The following PRPH2 variants were observed in gnomAD, a reference collection of about 807,000 sequenced individuals.
The protein encoded by PRPH2 is peripherin 2.
Under a neutral mutation model 31.3 loss-of-function variants are expected in PRPH2, and 17 were observed. The ratio of observed to expected loss-of-function variants is 0.54; its 90% CI spans 0.37 to 0.81. The LOEUF is 0.81. Among genes scored for constraint, PRPH2 ranks in the 40% least tolerant of loss-of-function variants. The pLI, the probability that PRPH2 is intolerant of heterozygous loss-of-function variation, is 0.00. For synonymous variants in PRPH2, 165 were observed against 184.4 expected, an observed-to-expected ratio of 0.89 and a Z score of 0.85; for missense variants, 430 against 439.7, an observed-to-expected ratio of 0.98 and a Z score of 0.20.
At chr6:42,706,294 A>G (rs1447222101) in intron 1 of PRPH2, among the ~76,000 whole-genome samples, 1 of 151,794 alleles carries the variant, frequency 6.6e-6, no homozygotes, top group Non-Finnish European at 1.5e-5. Context: ...AGTCCCAGAT[A>G]CTCGGGAGGC....
At chr6:42,704,229 G>A (rs1582764324) in intron 2 of PRPH2, 136 bp downstream of exon 2, 1 of 1,168,344 alleles carries the variant, frequency 8.6e-7, no homozygotes, top group East Asian at 2.6e-5. Flanking sequence ...AGCCCAGACT[G>A]ATCTGACCCA....
chr6:42,705,100 G>A (rs1800129786), intron 1 of PRPH2, among the ~76,000 whole-genome samples: 1 of 152,142 alleles, frequency 6.6e-6, no homozygotes, highest in Non-Finnish European at 1.5e-5. Context: ...GCAGAGGCAG[G>A]GGATGGAGAC....
At chr6:42,712,888 A>T (rs1045510566) in intron 1 of PRPH2, among the ~76,000 whole-genome samples, 4 of 152,082 alleles carry the variant, frequency 2.6e-5, no homozygotes, top group African/African-American at 9.7e-5. Context: ...TTTTTCTATA[A>T]TAGAAGTCGG....
At chr6:42,707,950 C>A (rs957426569) in intron 1 of PRPH2, among the ~76,000 whole-genome samples, 1 of 152,202 alleles carries the variant, frequency 6.6e-6, no homozygotes, top group Non-Finnish European at 1.5e-5. Flanking sequence ...AGTTCCTTAA[C>A]CTCTCCCTGC....
At position 42,698,150 on chromosome 6, in the gene PRPH2, C is replaced by T. The variant is rs835; in HGVS notation, c.*145G>A. 0.27 allele frequency: 315,240 copies of T among 1,160,762 alleles called. 44,651 individuals carry two copies. Among genetic ancestry groups the T allele is most frequent in the East Asian group, 0.43 (18,218 of 42,438 alleles). The allele number at this position is 1,160,762 out of a possible 1,614,324, so 71.9% of individuals were successfully genotyped here. On this transcript the variant is annotated 3_prime_UTR_variant, in exon 3 of 3. Coordinates refer to ENST00000230381, the MANE Select transcript of PRPH2 (RefSeq NM_000322.5). ...GTCAAATGCTTTTAGGGACCCTAAA[C>T]TTAAATTCCACCGTCAGGGAGAGTC...
Position 42,698,347 on chromosome 6 carries a change from T to C in PRPH2, c.989A>G (p.Asn330Ser), listed in dbSNP as rs781604214. Residue 330 changes from asparagine to serine, a missense_variant, in exon 3 of 3, where the codon AAC (asparagine) becomes AGC (serine). By Grantham distance (46) the Asn-to-Ser change is conservative (BLOSUM62 1). Coordinates refer to ENST00000230381, the MANE Select transcript of PRPH2 (RefSeq NM_000322.5). ...GTCTGCGCCCTCGGCTTCCACCTGG[T>C]TGCCCTTGCCCAGCTTCTTCACACT... The part of the protein sequence containing the change: ...LESVKKLGKG[N>S]QVEAEGADAG... The C allele has an allele frequency of 8.1e-6, 13 of 1,613,770 alleles. No homozygotes were observed. Among genetic ancestry groups the C allele is most frequent in the Non-Finnish European group, 1.1e-5 (13 of 1,179,824 alleles).
intron 1 of PRPH2, among the ~76,000 whole-genome samples, chr6:42,716,962 C>CTTTTTTT (rs1161769235): frequency 2.4e-4 from 11 of 45,206 alleles, no homozygotes; most frequent in African/African-American, 3.8e-4. Flanking sequence ...TCTTTCTTTT[C>CTTTTTTT]TTTTTTTTTT....
Position 42,704,576 on chromosome 6 carries a change from A to G in PRPH2, c.617T>C (p.Val206Ala), listed in dbSNP as rs1064797323. ...IKSNVDGRYL[V>A]DGVPFSCCNP... ...GCAGCAGCTGAAAGGGACGCCGTCC[A>G]CCAGGTACCGCCCATCCACGTTGCT... The change falls in exon 2 of 3, where the codon GTG (valine) becomes GCG (alanine). Residue 206 changes from valine (V) to alanine (A), a missense_variant. Val to Ala is a moderately conservative substitution (Grantham distance 64). Coordinates refer to ENST00000230381, the MANE Select transcript of PRPH2 (RefSeq NM_000322.5). 2 of 1,614,178 alleles carry G rather than the reference A, an allele frequency of 1.2e-6. No individual in the cohort carries two copies. Among genetic ancestry groups the G allele is most frequent in the Non-Finnish European group, 1.7e-6 (2 of 1,180,040 alleles).
chr6:42,717,747 A>G (rs1761815899), intron 1 of PRPH2, among the ~76,000 whole-genome samples: 1 of 151,920 alleles, frequency 6.6e-6, no homozygotes, highest in Admixed American at 6.6e-5. Context: ...CATTCCTTCT[A>G]CCAACAGATA....
intron 1 of PRPH2, among the ~76,000 whole-genome samples, chr6:42,708,665 G>C (rs1046379405): frequency 5.3e-5 from 8 of 152,162 alleles, no homozygotes; most frequent in Non-Finnish European, 1.0e-4. Context: ...TGACCTACAG[G>C]CTGTCCCTGG....
intron 1 of PRPH2, among the ~76,000 whole-genome samples, chr6:42,705,115 G>A (rs1039328256): frequency 1.3e-5 from 2 of 152,182 alleles, no homozygotes; most frequent in African/African-American, 4.8e-5. Flanking sequence ...GGAGACCCGA[G>A]GCAGGCACAG....
chr6:42,707,446 T>C (rs143710799), intron 1 of PRPH2, among the ~76,000 whole-genome samples: 2,114 of 152,264 alleles, frequency 0.014, 26 homozygotes, highest in Non-Finnish European at 0.023. Context: ...GCCAGATACC[T>C]GCCATTTTTC....
In PRPH2 at chr6:42,698,254, A is replaced by G. The variant is rs1479397358; in HGVS notation, c.*41T>C. ...GGGAGATCCACGTTTCTTGGAGTGC[A>G]CTATTTCTCAGTGTTCGGGAGGGGA... On this transcript the variant is annotated 3_prime_UTR_variant, in exon 3 of 3. Transcript: ENST00000230381. The G allele has an allele frequency of 2.5e-6, 4 of 1,611,068 alleles. No homozygotes were observed. The highest frequency in any genetic ancestry group is 1.1e-5 in the South Asian group (1 of 90,988).
chr6:42,716,944 C>A (rs1241649207), intron 1 of PRPH2, among the ~76,000 whole-genome samples: 2 of 62,024 alleles, frequency 3.2e-5, no homozygotes, highest in South Asian at 5.7e-4. Flanking sequence ...TTTTTCTTTT[C>A]TTTTCTTTCT....
chr6:42,706,631 G>A (rs1458449694), intron 1 of PRPH2, among the ~76,000 whole-genome samples: 1 of 151,698 alleles, frequency 6.6e-6, no homozygotes, highest in South Asian at 2.1e-4. Context: ...AATTGCACGC[G>A]AAGAATGCGT....
intron 2 of PRPH2, among the ~76,000 whole-genome samples, chr6:42,700,367 C>G (rs1358815996): frequency 6.6e-6 from 1 of 152,146 alleles, no homozygotes; most frequent in Non-Finnish European, 1.5e-5. Flanking sequence ...ATAGCAAACT[C>G]TACAAGAGGA....
intron 1 of PRPH2, among the ~76,000 whole-genome samples, chr6:42,714,431 T>C (rs1261469501): frequency 6.6e-6 from 1 of 152,222 alleles, no homozygotes; most frequent in South Asian, 2.1e-4. Flanking sequence ...ATGCTGGTTG[T>C]CCGACTGTGA....
At chr6:42,718,925 A>G (rs1761840897) in intron 1 of PRPH2, among the ~76,000 whole-genome samples, 1 of 152,084 alleles carries the variant, frequency 6.6e-6, no homozygotes, top group East Asian at 1.9e-4. Flanking sequence ...TCAGCCTCCC[A>G]AAGAGCTGGG....
chr6:42,712,886 T>C (rs1447418665), intron 1 of PRPH2, among the ~76,000 whole-genome samples: 2 of 152,044 alleles, frequency 1.3e-5, no homozygotes, highest in African/African-American at 4.8e-5. Flanking sequence ...GTTTTTTCTA[T>C]AATAGAAGTC....
Sources: allele counts gnomAD v4.1 joint callset (sites outside exome capture counted in the v4.1 genomes callset), GRCh38; gene constraint gnomAD v4.1.1; transcripts MANE v1.5; gene names NCBI Gene and HGNC (gene_info 2026-07-23, HGNC 2026-07-21).